PLCG2: variants seen among roughly 807,000 people sequenced by gnomAD.
PLCG2 encodes the protein 1-phosphatidylinositol 4,5-bisphosphate phosphodiesterase gamma-2.
A neutral mutation model predicts 175.6 loss-of-function variants in PLCG2; 69 were observed. The observed-to-expected ratio is 0.39, with a 90% CI of 0.32 to 0.48. The LOEUF (loss-of-function observed/expected upper bound fraction) is 0.48, where lower values mean the gene tolerates loss of function less well. Among genes scored for constraint, PLCG2 ranks in the 20% least tolerant of loss-of-function variants. The pLI is 0.91. For missense variants in PLCG2, 1,798 were observed against 1,650.9 expected (o/e 1.09, Z -1.54); for synonymous variants, 827 against 624.0 (o/e 1.33, Z -4.85).
chr16:81,823,584 A>C (rs1422944229), intron 2 of PLCG2, among the ~76,000 whole-genome samples: 3 of 151,874 alleles, frequency 2.0e-5, no homozygotes, highest in Non-Finnish European at 4.4e-5. Context: ...GGAGGGCAGT[A>C]GTGTGATCAT....
chr16:81,871,842 C>T (rs565654709), intron 7 of PLCG2, among the ~76,000 whole-genome samples: 14 of 111,590 alleles, frequency 1.3e-4, no homozygotes, highest in African/African-American at 3.9e-4. Context: ...AGTACCTGGG[C>T]ACCATCTGAA....
intron 2 of PLCG2, among the ~76,000 whole-genome samples, chr16:81,809,676 C>G (rs973284248): frequency 6.6e-6 from 1 of 151,714 alleles, no homozygotes; most frequent in East Asian, 1.9e-4. Flanking sequence ...TTTCTCTGTT[C>G]CCTGCGGTGT....
chr16:81,826,215 G>T (rs1905040556), intron 2 of PLCG2, among the ~76,000 whole-genome samples: 1 of 152,146 alleles, frequency 6.6e-6, no homozygotes, highest in South Asian at 2.1e-4. Flanking sequence ...TTCATTTCTG[G>T]CATCATGTCC....
intron 1 of PLCG2, among the ~76,000 whole-genome samples, chr16:81,750,969 A>AGC (rs1165727071): frequency 1.8e-5 from 2 of 109,816 alleles, no homozygotes; most frequent in African/African-American, 3.6e-5. Context: ...CACCGCACCC[A>AGC]GCTTTTTTTT....
intron 13 of PLCG2, chr16:81,898,633 T>C (rs1394052015): frequency 6.6e-6 from 1 of 152,212 alleles, no homozygotes; most frequent in Admixed American, 6.5e-5. Context: ...TAATTTTGTT[T>C]CATAGTAAAT....
chr16:81,831,939 G>A (rs149001399), intron 2 of PLCG2, among the ~76,000 whole-genome samples: 29 of 152,308 alleles, frequency 1.9e-4, no homozygotes, highest in African/African-American at 2.6e-4. Context: ...CAGGCAAAGC[G>A]GGGGCAGGGG....
chr16:81,903,456 G>A (rs1909236035), intron 14 of PLCG2, among the ~76,000 whole-genome samples: 1 of 152,220 alleles, frequency 6.6e-6, no homozygotes, highest in Non-Finnish European at 1.5e-5. Context: ...GACCCTTAAG[G>A]TACAGATGTT....
chr16:81,885,624 C>CT (rs34271990), intron 9 of PLCG2, among the ~76,000 whole-genome samples: 50,917 of 149,866 alleles, frequency 0.34, 9,790 homozygotes, highest in East Asian at 0.62. Flanking sequence ...ACAGATAGAA[C>CT]TTTTTTTTTT....
rs552752784 is a variant in PLCG2 at position 81,909,737 on chromosome 16, G to A, written c.1734-783G>A. On this transcript the variant is annotated intron_variant, in intron 17 of 32. Coordinates refer to ENST00000564138, the MANE Select transcript of PLCG2 (RefSeq NM_002661.5). The stretch of plus-strand genomic sequence containing the variant: ...CTGAAAATTAGAATACTAATAACAC[G>A]CAAATAATCCTGGACACCTAAATGA... 2.4e-4 allele frequency among the ~76,000 whole-genome samples: 36 copies of A among 152,256 alleles called. No homozygotes were observed. The South Asian group carries it at 6.6e-3, about 28-fold the overall frequency.
At chr16:81,952,769 T>C (rs1263632186) in intron 31 of PLCG2, among the ~76,000 whole-genome samples, 3 of 152,164 alleles carry the variant, frequency 2.0e-5, no homozygotes, top group Non-Finnish European at 4.4e-5. Flanking sequence ...AAAATCACTA[T>C]TGAAACAGCA....
At chr16:81,925,321 A>G (rs1910218240) in intron 22 of PLCG2, among the ~76,000 whole-genome samples, 1 of 152,160 alleles carries the variant, frequency 6.6e-6, no homozygotes. Flanking sequence ...AGGGGACCAA[A>G]CAATTATTGT....
At chr16:81,774,988 C>A (rs1025699188), upstream of PLCG2, among the ~76,000 whole-genome samples, 3 of 152,094 alleles carry the variant, frequency 2.0e-5, no homozygotes, top group Non-Finnish European at 4.4e-5. Context: ...TCAAGTGGTC[C>A]ACCCTCCTTA....
upstream of PLCG2, among the ~76,000 whole-genome samples, chr16:81,776,313 G>A (rs1172711769): frequency 6.6e-6 from 1 of 151,574 alleles, no homozygotes; most frequent in African/African-American, 2.4e-5. Flanking sequence ...TTTTCACCAT[G>A]TTAAGCAGGA....
At chr16:81,857,419 G>T (rs1159905094) in intron 3 of PLCG2, among the ~76,000 whole-genome samples, 1 of 152,194 alleles carries the variant, frequency 6.6e-6, no homozygotes, top group Admixed American at 6.5e-5. Context: ...GTCTCAGTGT[G>T]CTCTGGCTAC....
At chr16:81,787,985 T>G (rs992988732) in intron 2 of PLCG2, among the ~76,000 whole-genome samples, 2 of 152,248 alleles carry the variant, frequency 1.3e-5, no homozygotes. Flanking sequence ...ACCCTTGGGT[T>G]GTTGCCACCT....
chr16:81,896,779 C>T (rs1043431087), intron 13 of PLCG2, among the ~76,000 whole-genome samples: 2 of 152,210 alleles, frequency 1.3e-5, no homozygotes, highest in Middle Eastern at 6.8e-3. Flanking sequence ...GTGCTAGGTT[C>T]TTTGTACAGG....
intron 2 of PLCG2, among the ~76,000 whole-genome samples, chr16:81,760,769 T>A (rs1426394023): frequency 0.015 from 837 of 56,584 alleles, 20 homozygotes; most frequent in Admixed American, 0.077. Context: ...ATAATAATAA[T>A]AATAATAATA....
At position 81,915,018 on chromosome 16, in the gene PLCG2, A is replaced by G. The variant is rs1909783985; in HGVS notation, c.2054+2302A>G. Among the ~76,000 whole-genome samples the G allele has an allele frequency of 2.6e-5, 4 of 152,326 alleles. No individual in the cohort carries two copies. In the South Asian group the frequency reaches 8.3e-4, roughly 32 times the overall value. The stretch of plus-strand genomic sequence containing the variant: ...TCAAAAATAACATCCCTGCCCCAGG[A>G]CACACACTTTTTCAAACCCTCTCTG... On this transcript the variant is annotated intron_variant, in intron 19 of 32. Coordinates refer to ENST00000564138, the MANE Select transcript of PLCG2 (RefSeq NM_002661.5).
At chr16:81,771,653 C>T (rs1054213050) in intron 2 of PLCG2, among the ~76,000 whole-genome samples, 10 of 152,038 alleles carry the variant, frequency 6.6e-5, no homozygotes. Context: ...ATATAGGGTA[C>T]AGTGGGTTGA....
Sources: gnomAD v4.1 joint callset for allele counts (sites outside exome capture counted in the v4.1 genomes callset) on GRCh38, gnomAD v4.1.1 for gene constraint, MANE v1.5 for transcripts, NCBI Gene and HGNC (gene_info 2026-07-23, HGNC 2026-07-21) for gene names.